KBTBD13: variants seen among roughly 807,000 people sequenced by gnomAD.
KBTBD13 encodes kelch repeat and BTB domain containing 13.
In KBTBD13, 32 loss-of-function variants were observed where a neutral mutation model predicts 25.4. That is an observed-to-expected ratio of 1.26 (90% confidence interval 0.95 to 1.69). KBTBD13 has a LOEUF of 1.69. KBTBD13 is among the 40% of genes most tolerant of loss of function. The pLI is 0.00. For synonymous variants in KBTBD13, 436 were observed against 329.8 expected (o/e 1.32, Z -3.49); for missense variants, 898 against 679.5 (o/e 1.32, Z -3.57).
At position 65,078,573 on chromosome 15, in the gene KBTBD13, T is replaced by C. The variant is rs1489962378; in HGVS notation, c.*381T>C. Among the ~76,000 whole-genome samples the C allele has an allele frequency of 1.3e-5, 2 of 152,208 alleles. No homozygotes were observed. Among genetic ancestry groups the C allele is most frequent in the Non-Finnish European group, 2.9e-5 (2 of 68,042 alleles). On this transcript the variant is annotated 3_prime_UTR_variant, in exon 1 of 1. Transcript: ENST00000432196. ...CTACTGTATGCCCAATACAGTGTTATGCGTAATGAGAGCCGTAGTTGCCAC... is the reference window on the plus strand; with the variant it reads ...CTACTGTATGCCCAATACAGTGTTACGCGTAATGAGAGCCGTAGTTGCCAC...
rs924967048 is a variant in KBTBD13, at chr15:65,077,447, T to A, written c.632T>A (p.Leu211His). ...LAGVATLGNK[L>H]YIVGGVRGAS... ...GGGGTGGCCACGCTGGGCAACAAGC[T>A]TTACATCGTGGGGGGCGTGCGCGGC... is the stretch of plus-strand genomic sequence containing the variant. Residue 211 changes from leucine (L) to histidine (H), a missense_variant, in exon 1 of 1, where the codon CTT (leucine) becomes CAT (histidine). Physicochemically the swap from Leu to His is moderately conservative, Grantham distance 99. Coordinates refer to ENST00000432196, the MANE Select transcript of KBTBD13 (RefSeq NM_001101362.3). 19 of 1,526,978 alleles carry A rather than the reference T, an allele frequency of 1.2e-5. No homozygotes were observed. The highest frequency in any genetic ancestry group is 5.9e-5 in the Admixed American group (3 of 50,890). 94.6% of individuals were successfully genotyped at this position (1,526,978 alleles called of 1,614,324 possible).
rs1303718054 is a variant in KBTBD13 at position 65,079,154 on chromosome 15, G to A, written c.*962G>A. ...CTGTTTTTGCCATCACCACGGGGCAGTGGACTGTTAACCCACATGACTTCA... is the reference window on the plus strand; with the variant it reads ...CTGTTTTTGCCATCACCACGGGGCAATGGACTGTTAACCCACATGACTTCA... On this transcript the variant is annotated 3_prime_UTR_variant, in exon 1 of 1. Coordinates refer to ENST00000432196, the MANE Select transcript of KBTBD13 (RefSeq NM_001101362.3). Among the ~76,000 whole-genome samples, 1 of 152,216 alleles carries A rather than the reference G, an allele frequency of 6.6e-6. No homozygotes were observed. Among genetic ancestry groups the A allele is most frequent in the Non-Finnish European group, 1.5e-5 (1 of 68,034 alleles).
Position 65,077,010 on chromosome 15 carries a change from G to A in KBTBD13, c.195G>A (p.Leu65=), listed in dbSNP as rs1184771977. 45 of 1,513,950 alleles carry A rather than the reference G, an allele frequency of 3.0e-5. No homozygotes were observed. The highest frequency in any genetic ancestry group is 3.8e-5 in the Non-Finnish European group (43 of 1,136,540). The allele number at this position is 1,513,950 out of a possible 1,614,324, so 93.8% of individuals were successfully genotyped here. The change falls in exon 1 of 1, where the codon CTG becomes CTA. Residue 65 remains leucine, a synonymous_variant. Transcript: ENST00000432196. ...AGGFRATLQV[L]RGDRPALAAE... ...GTTTCCGCGCCACGCTGCAGGTGCT[G>A]CGCGGCGACCGGCCGGCGCTGGCGG...
In KBTBD13 at chr15:65,076,842, G is replaced by A. The variant is rs753616960; in HGVS notation, c.27G>A (p.Val9=). 15 of 1,556,450 alleles carry A rather than the reference G, an allele frequency of 9.6e-6. No individual in the cohort carries two copies. Among genetic ancestry groups the A allele is most frequent in the Non-Finnish European group, 1.0e-5 (12 of 1,157,948 alleles). Residue 9 remains valine (V), a synonymous_variant, in exon 1 of 1, where the codon GTG becomes GTA. Transcript: ENST00000432196. ...TGGCACGGGGTCCACAGACCCTGGTGCAGGTGTGGGTGGGCGGCCAGCTCT... is the reference window on the plus strand; with the variant it reads ...TGGCACGGGGTCCACAGACCCTGGTACAGGTGTGGGTGGGCGGCCAGCTCT... MARGPQTL[V]QVWVGGQLFQ... is the part of the protein sequence containing the mutation.
chr15:65,078,026 A>C lies in KBTBD13; in HGVS notation c.1211A>C (p.Tyr404Ser). ...FTAVVRGDTVYTVNRMFTLLY... is the reference protein window; with the variant it reads ...FTAVVRGDTVSTVNRMFTLLY... ...GCCGTGGTGCGCGGTGACACCGTCT[A>C]TACGGTCAACCGCATGTTCACGCTG... The change falls in exon 1 of 1, where the codon TAT (tyrosine) becomes TCT (serine). Residue 404 changes from tyrosine (Y) to serine (S), a missense_variant. Coordinates refer to ENST00000432196, the MANE Select transcript of KBTBD13 (RefSeq NM_001101362.3). 1 of 1,604,540 alleles carries C rather than the reference A, an allele frequency of 6.2e-7. No homozygotes were observed. Among genetic ancestry groups the C allele is most frequent in the Middle Eastern group, 1.6e-4 (1 of 6,062 alleles).
rs538703446 is a variant in KBTBD13 at position 65,077,136 on chromosome 15, A to C, written c.321A>C (p.Ala107=). The C allele has an allele frequency of 2.0e-6, 3 of 1,518,786 alleles. No individual in the cohort carries two copies. Among genetic ancestry groups the C allele is most frequent in the Middle Eastern group, 1.7e-4 (1 of 5,866 alleles). The allele number at this position is 1,518,786 out of a possible 1,614,324, so 94.1% of individuals were successfully genotyped here. ...LEHNLTSDNC[A]LLCDAAAAFG... is the part of the protein sequence containing the mutation. ...ACAACCTCACGTCGGACAACTGCGC[A>C]TTGCTGTGCGACGCGGCCGCCGCCT... Residue 107 remains alanine, a synonymous_variant, in exon 1 of 1, where the codon GCA becomes GCC. Transcript: ENST00000432196.
chr15:65,078,103 T>C lies in KBTBD13; in HGVS notation c.1288T>C (p.Phe430Leu). 7.6e-6 allele frequency: 12 copies of C among 1,584,510 alleles called. No individual in the cohort carries two copies. The highest frequency in any genetic ancestry group is 2.3e-5 in the East Asian group (1 of 43,924). The change falls in exon 1 of 1, where the codon TTC (phenylalanine) becomes CTC (leucine). Residue 430 changes from phenylalanine (F) to leucine (L), a missense_variant. Transcript: ENST00000432196. ...GCGGCTGCTCAGGGAGAAAGCCGGCTTCCCGCGGCCCGGCTCCTTGCAGAC... is the reference window on the plus strand; with the variant it reads ...GCGGCTGCTCAGGGAGAAAGCCGGCCTCCCGCGGCCCGGCTCCTTGCAGAC... ...TWRLLREKAG[F>L]PRPGSLQTFL...
rs747137052 is a variant in KBTBD13, at chr15:65,078,000, G to C, written c.1185G>C (p.Thr395=). ...TCAACAGCAAGGGAGCGCTCTTCAC[G>C]GCCGTGGTGCGCGGTGACACCGTCT... ...QFVNSKGALF[T]AVVRGDTVYT... is the part of the protein sequence containing the mutation. Residue 395 remains threonine (T), a synonymous_variant, in exon 1 of 1, where the codon ACG becomes ACC. Coordinates refer to ENST00000432196, the MANE Select transcript of KBTBD13 (RefSeq NM_001101362.3). The C allele has an allele frequency of 3.1e-6, 5 of 1,608,622 alleles. No individual in the cohort carries two copies. The highest frequency in any genetic ancestry group is 4.2e-6 in the Non-Finnish European group (5 of 1,179,730).
In KBTBD13 at chr15:65,078,235, C is replaced by A; in HGVS notation, c.*43C>A. On this transcript the variant is annotated 3_prime_UTR_variant, in exon 1 of 1. Coordinates refer to ENST00000432196, the MANE Select transcript of KBTBD13 (RefSeq NM_001101362.3). ...GGAGGGAGGAGACGCCGCGACTCCT[C>A]CCTGAGCTATGGCTGAGTGTGTGAG... 4 of 1,523,466 alleles carry A rather than the reference C, an allele frequency of 2.6e-6. No individual in the cohort carries two copies. The highest frequency in any genetic ancestry group is 3.5e-6 in the Non-Finnish European group (4 of 1,138,478). 94.4% of individuals were successfully genotyped at this position (1,523,466 alleles called of 1,614,324 possible). A position where few individuals can be genotyped will look rare whatever the true frequency, so the allele number is the denominator to read the frequency against.
rs1222805926 is a variant in KBTBD13, at chr15:65,077,170, C to T, written c.355C>T (p.Arg119Cys). The change falls in exon 1 of 1, where the codon CGC (arginine) becomes TGC (cysteine). Residue 119 changes from arginine (R) to cysteine (C), a missense_variant. By Grantham distance (180) the Arg-to-Cys change is radical. Transcript: ENST00000432196. ...CGACGCGGCCGCCGCCTTCGGCCTGCGCGACGTGTTCCACAGTGCCGCGCT... is the reference window on the plus strand; with the variant it reads ...CGACGCGGCCGCCGCCTTCGGCCTGTGCGACGTGTTCCACAGTGCCGCGCT... ...LCDAAAAFGLRDVFHSAALFI... is the reference protein window; with the variant it reads ...LCDAAAAFGLCDVFHSAALFI... 1 of 1,506,704 alleles carries T rather than the reference C, an allele frequency of 6.6e-7. No homozygotes were observed. The allele number at this position is 1,506,704 out of a possible 1,614,324, so 93.3% of individuals were successfully genotyped here.
rs1436431809 is a variant in KBTBD13, at chr15:65,077,626, C to G, written c.811C>G (p.Pro271Ala). The change falls in exon 1 of 1, where the codon CCC (proline) becomes GCC (alanine). Residue 271 changes from proline to alanine, a missense_variant. Physicochemically the swap from Pro to Ala is conservative, Grantham distance 27 (BLOSUM62 -1). Coordinates refer to ENST00000432196, the MANE Select transcript of KBTBD13 (RefSeq NM_001101362.3). The part of the protein sequence containing the change: ...YAIGGEFQRT[P>A]ISSVERYDPA... ...CATCGGCGGCGAATTCCAGAGGACG[C>G]CCATCAGCTCCGTGGAGCGCTACGA... The G allele has an allele frequency of 3.1e-6, 5 of 1,589,140 alleles. No homozygotes were observed. The highest frequency in any genetic ancestry group is 3.4e-6 in the Non-Finnish European group (4 of 1,174,240).
chr15:65,077,779 G>A lies in KBTBD13; in HGVS notation c.964G>A (p.Glu322Lys). 1 of 1,586,006 alleles carries A rather than the reference G, an allele frequency of 6.3e-7. No homozygotes were observed. Among genetic ancestry groups the A allele is most frequent in the Non-Finnish European group, 8.5e-7 (1 of 1,171,634 alleles). ...WRPADTTAVV[E>K]YAVRTDAWLP... ...GCCGGCCGACACCACCGCCGTGGTG[G>A]AGTACGCAGTGCGGACCGACGCGTG... The change falls in exon 1 of 1, where the codon GAG becomes AAG. Residue 322 changes from glutamate to lysine, a missense_variant. Glu to Lys is a moderately conservative substitution (Grantham distance 56, BLOSUM62 1). Transcript: ENST00000432196.
Position 65,077,236 on chromosome 15 carries a change from G to T in KBTBD13, c.421G>T (p.Ala141Ser). The T allele has an allele frequency of 1.4e-6, 2 of 1,436,984 alleles. No homozygotes were observed. Among genetic ancestry groups the T allele is most frequent in the Non-Finnish European group, 1.8e-6 (2 of 1,097,092 alleles). 89.0% of individuals were successfully genotyped at this position (1,436,984 alleles called of 1,614,324 possible). The change falls in exon 1 of 1, where the codon GCG becomes TCG. Residue 141 changes from alanine (A) to serine (S), a missense_variant. Coordinates refer to ENST00000432196, the MANE Select transcript of KBTBD13 (RefSeq NM_001101362.3). The part of the protein sequence containing the change: ...DGERELAAEL[A>S]LPEARAYVAA... The stretch of plus-strand genomic sequence containing the variant: ...CGAGCGCGAGCTGGCGGCCGAACTG[G>T]CGCTGCCTGAGGCCCGCGCCTACGT...
chr15:65,077,201 T>C lies in KBTBD13; in HGVS notation c.386T>C (p.Ile129Thr). 6.9e-7 allele frequency: 1 copy of C among 1,457,462 alleles called. No individual in the cohort carries two copies. Among genetic ancestry groups the C allele is most frequent in the East Asian group, 2.8e-5 (1 of 35,306 alleles). 90.3% of individuals were successfully genotyped at this position (1,457,462 alleles called of 1,614,324 possible). A position where few individuals can be genotyped will look rare whatever the true frequency, so the allele number is the denominator to read the frequency against. ...GTGTTCCACAGTGCCGCGCTCTTCA[T>C]CTGCGACGGCGAGCGCGAGCTGGCG... ...RDVFHSAALF[I>T]CDGERELAAE... is the part of the protein sequence containing the mutation. Residue 129 changes from isoleucine to threonine, a missense_variant, in exon 1 of 1, where the codon ATC (isoleucine) becomes ACC (threonine). Physicochemically the swap from Ile to Thr is moderately conservative, Grantham distance 89. Transcript: ENST00000432196.
rs1566959948 is a variant in KBTBD13 at position 65,077,252 on chromosome 15, GCGCCTACGTGGCGGC to G, written c.439_453del (p.Ala147_Ala151del). 11 of 1,411,018 alleles carry G rather than the reference GCGCCTACGTGGCGGC, an allele frequency of 7.8e-6. No homozygotes were observed. The highest frequency in any genetic ancestry group is 1.0e-5 in the Non-Finnish European group (11 of 1,087,196). The allele number at this position is 1,411,018 out of a possible 1,614,324, so 87.4% of individuals were successfully genotyped here. On this transcript the variant is annotated inframe_deletion, in exon 1 of 1. Coordinates refer to ENST00000432196, the MANE Select transcript of KBTBD13 (RefSeq NM_001101362.3). ...GCCGAACTGGCGCTGCCTGAGGCCCGCGCCTACGTGGCGGCCCTGCGGCCCAGCAGCTACGCGGCC... is the reference window on the plus strand; with the variant it reads ...GCCGAACTGGCGCTGCCTGAGGCCCGCCTGCGGCCCAGCAGCTACGCGGCC...
Position 65,079,308 on chromosome 15 carries a change from TCTC to T in KBTBD13, c.*1123_*1125del, listed in dbSNP as rs886051343. On this transcript the variant is annotated 3_prime_UTR_variant, in exon 1 of 1. Transcript: ENST00000432196. ...CAATTCCCTGGGCTGGAATGCCTAGTCTCCTCCTCTCTCCCTGTCAGTGCTCTA... is the reference window on the plus strand; with the variant it reads ...CAATTCCCTGGGCTGGAATGCCTAGTCTCCTCTCTCCCTGTCAGTGCTCTA... 6.6e-6 allele frequency among the ~76,000 whole-genome samples: 1 copy of T among 152,186 alleles called. No homozygotes were observed. The highest frequency in any genetic ancestry group is 2.1e-4 in the South Asian group (1 of 4,830).
rs1297713595 is a variant in KBTBD13 at position 65,076,942 on chromosome 15, A to C, written c.127A>C (p.Thr43Pro). ...RGLFRSGMRE[T>P]RAAEVRLGVL... ...CCTCTTCCGCTCCGGCATGCGGGAG[A>C]CCCGCGCAGCAGAGGTGCGCCTGGG... The change falls in exon 1 of 1, where the codon ACC becomes CCC. Residue 43 changes from threonine (T) to proline (P), a missense_variant. Physicochemically the swap from Thr to Pro is conservative, Grantham distance 38 (BLOSUM62 -1). Coordinates refer to ENST00000432196, the MANE Select transcript of KBTBD13 (RefSeq NM_001101362.3). The C allele has an allele frequency of 6.4e-7, 1 of 1,555,532 alleles. No individual in the cohort carries two copies. The highest frequency in any genetic ancestry group is 8.6e-7 in the Non-Finnish European group (1 of 1,158,332).
Position 65,077,011 on chromosome 15 carries a change from C to A in KBTBD13, c.196C>A (p.Arg66Ser), listed in dbSNP as rs1566959692. Reference sequence around the variant, plus strand: ...TTTCCGCGCCACGCTGCAGGTGCTGCGCGGCGACCGGCCGGCGCTGGCGGC... The same window carrying A: ...TTTCCGCGCCACGCTGCAGGTGCTGAGCGGCGACCGGCCGGCGCTGGCGGC... ...GGFRATLQVLRGDRPALAAED... is the reference protein window; with the variant it reads ...GGFRATLQVLSGDRPALAAED... Residue 66 changes from arginine (R) to serine (S), a missense_variant, in exon 1 of 1, where the codon CGC becomes AGC. Physicochemically the swap from Arg to Ser is moderately radical, Grantham distance 110. Coordinates refer to ENST00000432196, the MANE Select transcript of KBTBD13 (RefSeq NM_001101362.3). 4 of 1,512,080 alleles carry A rather than the reference C, an allele frequency of 2.6e-6. No homozygotes were observed. Among genetic ancestry groups the A allele is most frequent in the Non-Finnish European group, 2.6e-6 (3 of 1,135,610 alleles). The allele number at this position is 1,512,080 out of a possible 1,614,324, so 93.7% of individuals were successfully genotyped here.
Position 65,078,054 on chromosome 15 carries a change from C to G in KBTBD13, c.1239C>G (p.Leu413=). 1 of 1,601,696 alleles carries G rather than the reference C, an allele frequency of 6.2e-7. No individual in the cohort carries two copies. The highest frequency in any genetic ancestry group is 1.1e-5 in the South Asian group (1 of 90,716). ...VYTVNRMFTL[L]YAIEGGTWRL... ...CGGTCAACCGCATGTTCACGCTGCT[C>G]TACGCCATCGAGGGCGGCACCTGGC... The change falls in exon 1 of 1, where the codon CTC becomes CTG. Residue 413 remains leucine (L), a synonymous_variant. Coordinates refer to ENST00000432196, the MANE Select transcript of KBTBD13 (RefSeq NM_001101362.3).
Sources: allele counts gnomAD v4.1 joint callset (sites outside exome capture counted in the v4.1 genomes callset), GRCh38; gene constraint gnomAD v4.1.1; transcripts MANE v1.5; gene names NCBI Gene and HGNC (gene_info 2026-07-23, HGNC 2026-07-21).